Variants in CTH observed in about 807,000 individuals in gnomAD.
The protein encoded by CTH is cystathionase (cystathionine gamma-lyase).
CTH carries 41 observed loss-of-function variants against 50.6 expected under a neutral mutation model. The ratio of observed to expected loss-of-function variants is 0.81; its 90% CI spans 0.63 to 1.05. The LOEUF (loss-of-function observed/expected upper bound fraction) is 1.05, where lower values mean the gene tolerates loss of function less well. Ranked by LOEUF, CTH falls within the 50% of genes least tolerant of loss-of-function variation. CTH has a pLI of 0.00. For missense variants in CTH, 470 were observed against 492.6 expected (o/e 0.95, Z 0.43); for synonymous variants, 156 against 168.9 (o/e 0.92, Z 0.59).
At chr1:70,431,696 T>G (rs1684479319) in intron 7 of CTH, among the ~76,000 whole-genome samples, 1 of 152,232 alleles carries the variant, frequency 6.6e-6, no homozygotes, top group Non-Finnish European at 1.5e-5. Context: ...TAGTAGAATA[T>G]TCAGTAATAA....
chr1:70,431,085 G>A (rs1684463626), intron 7 of CTH: 1 of 152,050 alleles, frequency 6.6e-6, no homozygotes, highest in Non-Finnish European at 1.5e-5. Context: ...GGCTGAGGCA[G>A]GAGGATTACC....
Position 70,432,085 on chromosome 1 carries a change from C to G in CTH, c.727C>G (p.Leu243Val). 6.2e-7 allele frequency: 1 copy of G among 1,613,988 alleles called. No homozygotes were observed. Among genetic ancestry groups the G allele is most frequent in the Non-Finnish European group, 8.5e-7 (1 of 1,179,992 alleles). ...HNRLRFLQNS[L>V]GAVPSPIDCY... ...TCCAGGATGTGTTCATTTTGCAGCT[C>G]TTGGAGCAGTTCCATCTCCTATTGA... is the stretch of plus-strand genomic sequence containing the variant. The change falls in exon 8 of 12, where the codon CTT becomes GTT. Residue 243 changes from leucine to valine, a missense_variant and splice_region_variant. Physicochemically the swap from Leu to Val is conservative, Grantham distance 32. Coordinates refer to ENST00000370938, the MANE Select transcript of CTH (RefSeq NM_001902.6).
Position 70,417,999 on chromosome 1 carries a change from G to A in CTH, c.313G>A (p.Asp105Asn). Reference protein sequence around the residue: ...VTITHLLKAGDQIICMDDVYG... With the variant: ...VTITHLLKAGNQIICMDDVYG... Reference sequence around the variant, plus strand: ...TATTACCCATCTTTTAAAAGCAGGAGACCAAATTATTTGTATGGATGATGT... The same window carrying A: ...TATTACCCATCTTTTAAAAGCAGGAAACCAAATTATTTGTATGGATGATGT... The change falls in exon 3 of 12, where the codon GAC becomes AAC. Residue 105 changes from aspartate to asparagine, a missense_variant. Asp to Asn is a conservative substitution (Grantham distance 23, BLOSUM62 1). Transcript: ENST00000370938. 1 of 1,614,106 alleles carries A rather than the reference G, an allele frequency of 6.2e-7. No individual in the cohort carries two copies. Among genetic ancestry groups the A allele is most frequent in the Non-Finnish European group, 8.5e-7 (1 of 1,180,008 alleles).
At chr1:70,417,843 A>C in intron 2 of CTH, 94 bp from the exon 3 acceptor site, 1 of 1,369,582 alleles carries the variant, frequency 7.3e-7, no homozygotes, top group South Asian at 1.2e-5. Context: ...ATGGCTTCCT[A>C]TCTGCATTAA....
intron 3 of CTH, 54 bp from the exon 4 acceptor site, chr1:70,421,512 A>G: frequency 6.4e-7 from 1 of 1,558,648 alleles, no homozygotes; most frequent in East Asian, 2.2e-5. Context: ...AGAAGGAATG[A>G]ATGTTTCTTA....
intron 10 of CTH, among the ~76,000 whole-genome samples, chr1:70,435,610 C>G (rs1684581312): frequency 6.6e-6 from 1 of 151,720 alleles, no homozygotes; most frequent in Non-Finnish European, 1.5e-5. Flanking sequence ...GAGAACAGCC[C>G]TACTAGATAC....
At chr1:70,428,580 A>G (rs762333471) in intron 5 of CTH, among the ~76,000 whole-genome samples, 5 of 145,308 alleles carry the variant, frequency 3.4e-5, no homozygotes, top group Non-Finnish European at 7.5e-5. Context: ...ATTTTTCTTA[A>G]TTCTCCCAGT....
intron 10 of CTH, among the ~76,000 whole-genome samples, chr1:70,437,316 C>T (rs1684618916): frequency 6.6e-6 from 1 of 152,188 alleles, no homozygotes; most frequent in Non-Finnish European, 1.5e-5. Flanking sequence ...ATCTCTACTA[C>T]ATTCCAAGTG....
At chr1:70,435,032 T>C (rs1008154054) in intron 9 of CTH, 93 bp from the exon 10 acceptor site, 63 of 1,193,604 alleles carry the variant, frequency 5.3e-5, no homozygotes, top group Non-Finnish European at 7.0e-5. Context: ...ATTACAGGCA[T>C]GAGCCACTGT....
At chr1:70,435,238 A>G (rs1684573615) in intron 10 of CTH, 61 bp downstream of exon 10, 1 of 1,433,224 alleles carries the variant, frequency 7.0e-7, no homozygotes, top group Non-Finnish European at 9.7e-7. Flanking sequence ...ATGATTGGGA[A>G]AGAAATATGA....
chr1:70,418,397 A>T (rs993062462), intron 3 of CTH, among the ~76,000 whole-genome samples: 1 of 152,036 alleles, frequency 6.6e-6, no homozygotes, highest in Non-Finnish European at 1.5e-5. Context: ...CCCCAGGCGC[A>T]TGCCACCACA....
At position 70,411,306 on chromosome 1, in the gene CTH, CT is replaced by C; in HGVS notation, c.-107del. 1.2e-5 allele frequency: 13 copies of C among 1,127,070 alleles called. No individual in the cohort carries two copies. Among genetic ancestry groups the C allele is most frequent in the Non-Finnish European group, 1.8e-5 (13 of 736,222 alleles). The allele number at this position is 1,127,070 out of a possible 1,614,324, so 69.8% of individuals were successfully genotyped here. A position where few individuals can be genotyped will look rare whatever the true frequency, so the allele number is the denominator to read the frequency against. ...GCTCGCCGTCGGCTCTACCTGCGTG[CT>C]TTAGCTCCTTCTCGCCTGATCCTTC... On this transcript the variant is annotated 5_prime_UTR_variant, in exon 1 of 12. Coordinates refer to ENST00000370938, the MANE Select transcript of CTH (RefSeq NM_001902.6).
intron 5 of CTH, among the ~76,000 whole-genome samples, chr1:70,429,483 A>T (rs1242862583): frequency 6.6e-6 from 1 of 152,204 alleles, no homozygotes; most frequent in Admixed American, 6.5e-5. Flanking sequence ...TAGGTAATAA[A>T]TTTAGAGTCC....
intron 1 of CTH, among the ~76,000 whole-genome samples, chr1:70,413,268 T>A (rs894955594): frequency 6.6e-6 from 1 of 151,138 alleles, no homozygotes; most frequent in East Asian, 1.9e-4. Flanking sequence ...TCTTTTTTTT[T>A]TTTTTTTATT....
At chr1:70,417,118 CT>C (rs940428869) in intron 2 of CTH, among the ~76,000 whole-genome samples, 11 of 148,530 alleles carry the variant, frequency 7.4e-5, no homozygotes, top group African/African-American at 2.0e-4. Context: ...ACTCCCTAAA[CT>C]TTTTTTTTTA....
intron 10 of CTH, among the ~76,000 whole-genome samples, chr1:70,435,978 C>T (rs973186620): frequency 9.2e-5 from 14 of 152,072 alleles, no homozygotes; most frequent in Admixed American, 5.2e-4. Flanking sequence ...AATTAGTTAA[C>T]CTTTAAACTT....
chr1:70,424,437 T>C lies in CTH; in HGVS notation c.588+21T>C, dbSNP rs774111401. The C allele has an allele frequency of 1.3e-5, 21 of 1,613,448 alleles. No homozygotes were observed. In the African/African-American group the frequency reaches 2.0e-4, roughly 15 times the overall value. On this transcript the variant is annotated intron_variant, in intron 5 of 11. Transcript: ENST00000370938. The stretch of plus-strand genomic sequence containing the variant: ...TCCAGGTAAATGAAAATAATTTTTT[T>C]TGGCACAATTAGTAGACCACATATA...
At chr1:70,425,550 C>T (rs1452862913) in intron 5 of CTH, among the ~76,000 whole-genome samples, 1 of 152,120 alleles carries the variant, frequency 6.6e-6, no homozygotes, top group Admixed American at 6.5e-5. Flanking sequence ...TCCGAGACTG[C>T]GTAATTTATA....
chr1:70,428,584 TC>T, intron 5 of CTH, among the ~76,000 whole-genome samples: 1 of 137,534 alleles, frequency 7.3e-6, no homozygotes, highest in African/African-American at 2.8e-5. Context: ...TTCTTAATTC[TC>T]CCAGTTTCAG....
Sources: allele counts gnomAD v4.1 joint callset (sites outside exome capture counted in the v4.1 genomes callset), GRCh38; gene constraint gnomAD v4.1.1; transcripts MANE v1.5; gene names NCBI Gene and HGNC (gene_info 2026-07-23, HGNC 2026-07-21).